NEBL: variants seen among roughly 807,000 people sequenced by gnomAD.
NEBL encodes nebulette.
A neutral mutation model predicts 140.2 loss-of-function variants in NEBL; 122 were observed. The ratio of observed to expected loss-of-function variants is 0.87; its 90% confidence interval spans 0.75 to 1.01. NEBL has a LOEUF of 1.01. Ranked by LOEUF, NEBL falls within the 50% of genes least tolerant of loss-of-function variation. NEBL has a pLI of 0.00. For synonymous variants in NEBL, 436 were observed against 398.9 expected (o/e 1.09, Z -1.11); for missense variants, 1,365 against 1,231.3 (o/e 1.11, Z -1.62).
chr10:20,971,955 C>T (rs552906710), intron 3 of NEBL, among the ~76,000 whole-genome samples: 6 of 152,196 alleles, frequency 3.9e-5, no homozygotes, highest in South Asian at 2.1e-4. Context: ...CCAGAAGGTA[C>T]CACACAAGGT....
intron 2 of NEBL, among the ~76,000 whole-genome samples, chr10:21,113,689 C>T (rs1293533823): frequency 2.0e-5 from 3 of 152,046 alleles, no homozygotes; most frequent in Non-Finnish European, 4.4e-5. Flanking sequence ...AATGGAACTC[C>T]TCCCTTTCCT....
chr10:20,833,372 T>A (rs965029101), intron 14 of NEBL, among the ~76,000 whole-genome samples: 1 of 151,874 alleles, frequency 6.6e-6, no homozygotes, highest in Admixed American at 6.5e-5. Flanking sequence ...AATAAACTTT[T>A]GATATTAAAA....
chr10:20,836,193 C>A (rs1357212604), intron 13 of NEBL, among the ~76,000 whole-genome samples: 3 of 151,314 alleles, frequency 2.0e-5, no homozygotes, highest in African/African-American at 7.3e-5. Flanking sequence ...TTTGGTAATA[C>A]AATATTTCAA....
At chr10:20,934,023 T>A (rs527624594) in intron 4 of NEBL, among the ~76,000 whole-genome samples, 1 of 152,304 alleles carries the variant, frequency 6.6e-6, no homozygotes, top group African/African-American at 2.4e-5. Context: ...AAATATGTTT[T>A]CATTAATGTT....
intron 2 of NEBL, among the ~76,000 whole-genome samples, chr10:21,169,739 C>T (rs1262518181): frequency 6.6e-6 from 1 of 152,132 alleles, no homozygotes; most frequent in African/African-American, 2.4e-5. Flanking sequence ...TATTTATCTG[C>T]TCAATCAAGT....
chr10:21,285,096 CTA>C (rs1564555946), intron 1 of NEBL, among the ~76,000 whole-genome samples: 3 of 152,172 alleles, frequency 2.0e-5, no homozygotes, highest in Admixed American at 1.3e-4. Context: ...AACTGAGTCA[CTA>C]TGACATTGTT....
intron 3 of NEBL, among the ~76,000 whole-genome samples, chr10:20,999,975 G>C (rs1029141389): frequency 1.3e-5 from 2 of 151,934 alleles, no homozygotes; most frequent in Admixed American, 1.3e-4. Context: ...GCCAGTAAGT[G>C]ATTTCCAGCA....
At chr10:21,114,899 G>A (rs1424288476) in intron 2 of NEBL, among the ~76,000 whole-genome samples, 1 of 151,456 alleles carries the variant, frequency 6.6e-6, no homozygotes, top group African/African-American at 2.4e-5. Context: ...TACATTTAAT[G>A]TGGCTATTAA....
chr10:21,153,249 A>C (rs907055976), intron 2 of NEBL, among the ~76,000 whole-genome samples: 1 of 152,216 alleles, frequency 6.6e-6, no homozygotes, highest in African/African-American at 2.4e-5. Context: ...ATGTGGATCT[A>C]GAGGTCAAAA....
At chr10:21,178,393 T>A (rs1219340639), upstream of NEBL, among the ~76,000 whole-genome samples, 2 of 152,206 alleles carry the variant, frequency 1.3e-5, no homozygotes, top group Non-Finnish European at 2.9e-5. Flanking sequence ...TAATACAATA[T>A]GATAAATGCT....
chr10:21,059,471 C>T (rs1175451744), intron 2 of NEBL, among the ~76,000 whole-genome samples: 1 of 152,220 alleles, frequency 6.6e-6, no homozygotes, highest in Non-Finnish European at 1.5e-5. Context: ...TCAAAAGGCA[C>T]TTCAAATACT....
chr10:20,809,169 T>C (rs1217525964), intron 25 of NEBL, among the ~76,000 whole-genome samples: 1 of 152,112 alleles, frequency 6.6e-6, no homozygotes, highest in Non-Finnish European at 1.5e-5. Flanking sequence ...TAGAGCAAGA[T>C]CTAAATGACA....
chr10:21,259,531 A>G (rs1239934467), intron 1 of NEBL, among the ~76,000 whole-genome samples: 1 of 152,030 alleles, frequency 6.6e-6, no homozygotes, highest in Non-Finnish European at 1.5e-5. Context: ...ATCCACACCT[A>G]GAGATAATAC....
chr10:21,271,429 C>T (rs1450248736), intron 1 of NEBL, among the ~76,000 whole-genome samples: 1 of 151,740 alleles, frequency 6.6e-6, no homozygotes, highest in Admixed American at 6.6e-5. Context: ...ATTTTAGTTA[C>T]AAGATTAACA....
intron 3 of NEBL, among the ~76,000 whole-genome samples, chr10:21,225,694 C>T (rs1024771707): frequency 6.6e-6 from 1 of 152,162 alleles, no homozygotes; most frequent in East Asian, 1.9e-4. Context: ...TACTGCCTGG[C>T]CACTGCCGAT....
chr10:21,172,433 T>C (rs758985176), exon 2 of NEBL: 1 of 1,612,854 alleles, frequency 6.2e-7, no homozygotes, highest in Non-Finnish European at 8.5e-7. Flanking sequence ...TCATGTTGAG[T>C]GCCATCTTGC....
intron 3 of NEBL, among the ~76,000 whole-genome samples, chr10:20,970,896 A>C (rs1471320838): frequency 4.6e-5 from 7 of 152,214 alleles, no homozygotes; most frequent in Non-Finnish European, 7.3e-5. Flanking sequence ...GAAAAATATC[A>C]AAGTGAACAC....
upstream of NEBL, among the ~76,000 whole-genome samples, chr10:20,898,408 T>G (rs528678878): frequency 6.6e-6 from 1 of 151,736 alleles, no homozygotes; most frequent in Admixed American, 6.6e-5. Context: ...GCATAATTTT[T>G]TCTCTTGATA....
At chr10:21,112,295 G>C (rs1838051637) in intron 2 of NEBL, among the ~76,000 whole-genome samples, 1 of 152,182 alleles carries the variant, frequency 6.6e-6, no homozygotes, top group Non-Finnish European at 1.5e-5. Context: ...GCACACATAT[G>C]TTTATTGCAG....
Sources: allele counts gnomAD v4.1 joint callset (sites outside exome capture counted in the v4.1 genomes callset), GRCh38; gene constraint gnomAD v4.1.1; transcripts MANE v1.5; gene names NCBI Gene and HGNC (gene_info 2026-07-23, HGNC 2026-07-21).